The following WDR75 variants were observed in gnomAD, a reference collection of about 807,000 sequenced individuals.
The protein encoded by WDR75 is WD repeat domain 75, also known as WD repeat-containing protein 75.
A neutral mutation model predicts 106.1 loss-of-function variants in WDR75; 52 were observed. The observed-to-expected ratio is 0.49, with a 90% CI of 0.39 to 0.62. The LOEUF (loss-of-function observed/expected upper bound fraction) is 0.62, where lower values mean the gene tolerates loss of function less well. Among genes scored for constraint, WDR75 ranks in the 20% least tolerant of loss-of-function variants. The probability of loss-of-function intolerance (pLI) is 0.00; values close to 1 mark genes in which losing one functional copy is unlikely to be tolerated. For synonymous variants in WDR75, 333 were observed against 335.5 expected (o/e 0.99, Z 0.08); for missense variants, 905 against 970.3 (o/e 0.93, Z 0.89).
intron 1 of WDR75, among the ~76,000 whole-genome samples, chr2:189,445,179 G>C (rs1347610675): frequency 6.6e-6 from 1 of 152,228 alleles, no homozygotes; most frequent in African/African-American, 2.4e-5. Flanking sequence ...GTGGCTAACT[G>C]TAAGTGGAGA....
intron 4 of WDR75, among the ~76,000 whole-genome samples, chr2:189,453,065 G>A (rs1410399704): frequency 6.6e-6 from 1 of 152,202 alleles, no homozygotes; most frequent in Non-Finnish European, 1.5e-5. Flanking sequence ...AGGAGGCTGA[G>A]GTGGGAGGAT....
intron 9 of WDR75, among the ~76,000 whole-genome samples, chr2:189,463,478 T>TC (rs914067608): frequency 1.3e-5 from 2 of 152,174 alleles, no homozygotes; most frequent in African/African-American, 4.8e-5. Context: ...TCTTTTGGCT[T>TC]CCCTGAGCCA....
At chr2:189,470,953 G>T in intron 18 of WDR75, 75 bp downstream of exon 18, 1 of 1,162,166 alleles carries the variant, frequency 8.6e-7, no homozygotes, top group South Asian at 1.8e-5. Context: ...AGTCAACTAT[G>T]AAAAAAATAT....
chr2:189,470,520 CT>C (rs1687094640), intron 17 of WDR75, among the ~76,000 whole-genome samples: 1 of 150,800 alleles, frequency 6.6e-6, no homozygotes, highest in Admixed American at 6.6e-5. Flanking sequence ...TTGCATGATT[CT>C]TTTTTCTTTT....
rs574919400 is a variant in WDR75, at chr2:189,450,183, T to C, written c.217-720T>C. 8.4e-5 allele frequency: 82 copies of C among 980,844 alleles called. No individual in the cohort carries two copies. The African/African-American group carries it at 1.4e-3, about 17-fold the overall frequency. The allele number at this position is 980,844 out of a possible 1,614,324, so 60.8% of individuals were successfully genotyped here. ...ATTTCTATTGTATTTTATGAAAGTA[T>C]TGGTCCTTGATGGATTGGAAGAAAT... On this transcript the variant is annotated intron_variant, in intron 2 of 20. Transcript: ENST00000314761.
At chr2:189,450,676 T>G in intron 2 of WDR75, 1 of 1,338,896 alleles carries the variant, frequency 7.5e-7, no homozygotes, top group Non-Finnish European at 9.5e-7. Context: ...AAGTTGGCTT[T>G]TTTCCTCTCT....
chr2:189,456,913 G>C (rs1574194335), intron 5 of WDR75, among the ~76,000 whole-genome samples: 1 of 152,250 alleles, frequency 6.6e-6, no homozygotes, highest in East Asian at 1.9e-4. Flanking sequence ...GCTGAACAAA[G>C]TTACTGTTAA....
intron 1 of WDR75, among the ~76,000 whole-genome samples, chr2:189,447,989 G>C (rs554816296): frequency 1.3e-5 from 2 of 152,272 alleles, no homozygotes; most frequent in South Asian, 4.1e-4. Context: ...CTGTTCTTGT[G>C]GTAGTGAATA....
In WDR75 at chr2:189,441,632, G is replaced by A; in HGVS notation, c.86+54G>A. ...GAGGGGCGGGGCGTGAGTTTCTCGA[G>A]GGTCGGGGAGAAGGAATTGTCAGTC... On this transcript the variant is annotated intron_variant, in intron 1 of 20. Transcript: ENST00000314761. 2.0e-6 allele frequency: 3 copies of A among 1,535,540 alleles called. No individual in the cohort carries two copies. The Admixed American group carries it at 5.9e-5, about 30-fold the overall frequency.
chr2:189,451,915 C>G lies in WDR75; in HGVS notation c.373+20C>G. 1 of 1,580,978 alleles carries G rather than the reference C, an allele frequency of 6.3e-7. No individual in the cohort carries two copies. Among genetic ancestry groups the G allele is most frequent in the South Asian group, 1.1e-5 (1 of 89,700 alleles). ...AACCAGGTATGGTATAATTAACTTACTATATATGGCATTGAGTGGCTCTTT... is the reference window on the plus strand; with the variant it reads ...AACCAGGTATGGTATAATTAACTTAGTATATATGGCATTGAGTGGCTCTTT... On this transcript the variant is annotated intron_variant, in intron 4 of 20. Coordinates refer to ENST00000314761, the MANE Select transcript of WDR75 (RefSeq NM_032168.3).
At chr2:189,446,757 A>T (rs1281118879) in intron 1 of WDR75, among the ~76,000 whole-genome samples, 1 of 152,242 alleles carries the variant, frequency 6.6e-6, no homozygotes, top group South Asian at 2.1e-4. Flanking sequence ...GTTTTCCTAT[A>T]CATACATACC....
chr2:189,442,332 G>A (rs1325806736), intron 1 of WDR75, among the ~76,000 whole-genome samples: 1 of 151,060 alleles, frequency 6.6e-6, no homozygotes, highest in African/African-American at 2.4e-5. Context: ...TGTATTGTCA[G>A]GTTTTCAAAT....
chr2:189,450,393 C>G, intron 2 of WDR75: 2 of 968,966 alleles, frequency 2.1e-6, no homozygotes, highest in Non-Finnish European at 2.5e-6. Flanking sequence ...GAGTCTCACT[C>G]TGTCTCCCAG....
intron 2 of WDR75, chr2:189,449,418 C>A: frequency 8.0e-7 from 1 of 1,244,940 alleles, no homozygotes; most frequent in Non-Finnish European, 1.0e-6. Context: ...TTATGCTTGC[C>A]GTCCTCTGAG....
chr2:189,469,256 G>A, intron 15 of WDR75, 88 bp from the exon 16 acceptor site: 1 of 980,750 alleles, frequency 1.0e-6, no homozygotes, highest in South Asian at 1.4e-5. Flanking sequence ...GGAAGCATAA[G>A]ATTCCTCTTC....
At chr2:189,472,209 T>C (rs1020877949) in intron 18 of WDR75, among the ~76,000 whole-genome samples, 2 of 152,118 alleles carry the variant, frequency 1.3e-5, no homozygotes, top group Non-Finnish European at 1.5e-5. Context: ...AAGTAAAATA[T>C]GGAGTAGAGA....
rs747632709 is a variant in WDR75 at position 189,466,418 on chromosome 2, C to T, written c.1290-7C>T. On this transcript the variant is annotated splice_polypyrimidine_tract_variant and splice_region_variant and intron_variant, in intron 12 of 20. Coordinates refer to ENST00000314761, the MANE Select transcript of WDR75 (RefSeq NM_032168.3). ...CAAGAATAAATTTGTGGTTTCCTTC[C>T]CGCTAGGTTTATTCTTAACACTAAA... 6.2e-7 allele frequency: 1 copy of T among 1,610,768 alleles called. No individual in the cohort carries two copies. Among genetic ancestry groups the T allele is most frequent in the Admixed American group, 1.7e-5 (1 of 59,362 alleles).
chr2:189,463,967 A>C lies in WDR75; in HGVS notation c.1113+6A>C. The C allele has an allele frequency of 6.2e-7, 1 of 1,607,444 alleles. No homozygotes were observed. The highest frequency in any genetic ancestry group is 1.4e-5 in the African/African-American group (1 of 73,806). On this transcript the variant is annotated splice_donor_region_variant and intron_variant, in intron 11 of 20. Transcript: ENST00000314761. The stretch of plus-strand genomic sequence containing the variant: ...GTGATAAACAGTTATACAATGTAAG[A>C]TTTTGATCATTAGCCTTGAAATTAA...
rs202091835 is a variant in WDR75, at chr2:189,457,950, G to GA, written c.569+570dup. Reference sequence around the variant, plus strand: ...TTTTTTTTTTTTTTTTTTTGAGATGGAGTCTTGCTCTGTCGCCCAGGCTGG... The same window carrying GA: ...TTTTTTTTTTTTTTTTTTTGAGATGGAAGTCTTGCTCTGTCGCCCAGGCTGG... On this transcript the variant is annotated intron_variant, in intron 6 of 20. Coordinates refer to ENST00000314761, the MANE Select transcript of WDR75 (RefSeq NM_032168.3). Among the ~76,000 whole-genome samples, 111 of 133,496 alleles carry GA rather than the reference G, an allele frequency of 8.3e-4. No individual in the cohort carries two copies. In the East Asian group the frequency reaches 0.023, roughly 28 times the overall value. The allele number at this position is 133,496 out of a possible 152,430, so 87.6% of individuals were successfully genotyped here. A position where few individuals can be genotyped will look rare whatever the true frequency, so the allele number is the denominator to read the frequency against.
Sources: gnomAD v4.1 joint callset for allele counts (sites outside exome capture counted in the v4.1 genomes callset) on GRCh38, gnomAD v4.1.1 for gene constraint, MANE v1.5 for transcripts, NCBI Gene and HGNC (gene_info 2026-07-23, HGNC 2026-07-21) for gene names.